ROBO1: variants seen among roughly 807,000 people sequenced by gnomAD.
The protein encoded by ROBO1 is roundabout homolog 1.
ROBO1 carries 149 observed loss-of-function variants against 195.9 expected under a neutral mutation model. That is an observed-to-expected ratio of 0.76 (90% CI 0.67 to 0.87). The LOEUF (loss-of-function observed/expected upper bound fraction) is 0.87. Ranked by LOEUF, ROBO1 falls within the 40% of genes least tolerant of loss-of-function variation. ROBO1 has a pLI of 0.00. For missense variants in ROBO1, 1,933 were observed against 2,068.3 expected, an observed-to-expected ratio of 0.93 and a Z score of 1.27; for synonymous variants, 816 against 733.2, an observed-to-expected ratio of 1.11 and a Z score of -1.82.
chr3:78,751,930 G>T (rs968800604), intron 4 of ROBO1, among the ~76,000 whole-genome samples: 4 of 151,694 alleles, frequency 2.6e-5, no homozygotes, highest in Admixed American at 1.3e-4. Flanking sequence ...TGCAGTCCTG[G>T]GATTTATTTT....
chr3:79,173,422 G>A (rs114577988), intron 2 of ROBO1, among the ~76,000 whole-genome samples: 13,368 of 151,864 alleles, frequency 0.088, 1,009 homozygotes, highest in African/African-American at 0.2. Context: ...CGGCGGGCCC[G>A]CACTCCGAGC....
At chr3:79,262,985 A>T (rs937505948) in intron 2 of ROBO1, among the ~76,000 whole-genome samples, 2 of 152,116 alleles carry the variant, frequency 1.3e-5, no homozygotes, top group Admixed American at 1.3e-4. Flanking sequence ...AGAAAAGATT[A>T]GAGAGTTTTA....
At chr3:79,533,835 A>G (rs1345163744) in intron 2 of ROBO1, among the ~76,000 whole-genome samples, 10 of 152,146 alleles carry the variant, frequency 6.6e-5, no homozygotes, top group Admixed American at 6.6e-4. Flanking sequence ...CAATACTGAT[A>G]GTTTTTTAGT....
intron 2 of ROBO1, among the ~76,000 whole-genome samples, chr3:79,259,145 C>G (rs890741179): frequency 1.3e-5 from 2 of 151,900 alleles, no homozygotes; most frequent in Non-Finnish European, 2.9e-5. Flanking sequence ...TCCAAATATA[C>G]TTTTTGTTGT....
At chr3:79,585,140 C>A (rs1943788780) in intron 2 of ROBO1, among the ~76,000 whole-genome samples, 1 of 149,892 alleles carries the variant, frequency 6.7e-6, no homozygotes, top group Non-Finnish European at 1.5e-5. Flanking sequence ...GAAAAAGGGG[C>A]CCATAAAGGC....
intron 2 of ROBO1, among the ~76,000 whole-genome samples, chr3:79,393,071 C>T (rs2037014477): frequency 6.6e-6 from 1 of 152,196 alleles, no homozygotes; most frequent in African/African-American, 2.4e-5. Flanking sequence ...CAAGACCTTT[C>T]CTCTCTATCC....
intron 4 of ROBO1, among the ~76,000 whole-genome samples, chr3:78,779,202 A>T (rs957562114): frequency 6.6e-6 from 1 of 152,212 alleles, no homozygotes; most frequent in Non-Finnish European, 1.5e-5. Flanking sequence ...ATGAGCAAAG[A>T]CTTCATGACT....
intron 2 of ROBO1, among the ~76,000 whole-genome samples, chr3:79,433,861 C>T (rs546884423): frequency 2.0e-5 from 3 of 152,164 alleles, no homozygotes; most frequent in East Asian, 3.9e-4. Flanking sequence ...GAGATATAGA[C>T]CAATGGAACA....
chr3:79,100,994 GT>G (rs143337794), intron 3 of ROBO1, among the ~76,000 whole-genome samples: 4 of 151,700 alleles, frequency 2.6e-5, no homozygotes, highest in African/African-American at 9.7e-5. Context: ...GAGAGGTGGT[GT>G]TTTTTTCCTT....
At chr3:79,189,967 C>G (rs1230883664) in intron 2 of ROBO1, among the ~76,000 whole-genome samples, 1 of 151,558 alleles carries the variant, frequency 6.6e-6, no homozygotes, top group Non-Finnish European at 1.5e-5. Context: ...AAAATTGGAA[C>G]CACAGATTTC....
chr3:78,829,458 G>T (rs1166796220), intron 4 of ROBO1, among the ~76,000 whole-genome samples: 1 of 152,068 alleles, frequency 6.6e-6, no homozygotes, highest in African/African-American at 2.4e-5. Flanking sequence ...TAGCTCTGTA[G>T]GCTTGGTCTG....
chr3:79,650,125 A>T (rs2106739666), intron 1 of ROBO1, among the ~76,000 whole-genome samples: 1 of 152,102 alleles, frequency 6.6e-6, no homozygotes, highest in East Asian at 1.9e-4. Context: ...AAAAATAGAG[A>T]GGATATATAA....
At chr3:79,505,041 T>A (rs12634596) in intron 2 of ROBO1, among the ~76,000 whole-genome samples, 43,894 of 150,326 alleles carry the variant, frequency 0.29, 6,708 homozygotes, top group Non-Finnish European at 0.35. Flanking sequence ...AAAAAAAAAC[T>A]TTTTGAATAT....
intron 5 of ROBO1, among the ~76,000 whole-genome samples, chr3:78,745,583 C>T (rs2082637943): frequency 6.6e-6 from 1 of 152,134 alleles, no homozygotes. Flanking sequence ...CTCCCATGCT[C>T]TTTCTTGACT....
intron 2 of ROBO1, among the ~76,000 whole-genome samples, chr3:79,566,923 A>T (rs1943108858): frequency 6.6e-6 from 1 of 152,144 alleles, no homozygotes; most frequent in Non-Finnish European, 1.5e-5. Flanking sequence ...CGGCAATCCC[A>T]TTACTGGAAT....
intron 4 of ROBO1, among the ~76,000 whole-genome samples, chr3:78,817,808 G>A (rs2030292272): frequency 6.6e-6 from 1 of 152,178 alleles, no homozygotes; most frequent in Non-Finnish European, 1.5e-5. Flanking sequence ...AATGGTCATA[G>A]TTCCAACTAC....
Position 79,346,033 on chromosome 3 carries a change from G to A in ROBO1, c.89-220494C>T, listed in dbSNP as rs181407145. On this transcript the variant is annotated intron_variant, in intron 2 of 30. Transcript: ENST00000464233. ...CTATGGAGGATAATTCGTAGGTCAAGAATAATTTCTGAGAAGTGTCTAATT... is the reference window on the plus strand; with the variant it reads ...CTATGGAGGATAATTCGTAGGTCAAAAATAATTTCTGAGAAGTGTCTAATT... Among the ~76,000 whole-genome samples the A allele has an allele frequency of 2.9e-4, 44 of 152,194 alleles. No homozygotes were observed. The East Asian group carries it at 7.6e-3, about 26-fold the overall frequency.
intron 2 of ROBO1, among the ~76,000 whole-genome samples, chr3:79,382,553 A>G (rs1225705514): frequency 6.6e-6 from 1 of 152,152 alleles, no homozygotes; most frequent in Middle Eastern, 3.2e-3. Context: ...GATAATATTG[A>G]ATAAAGCTTT....
intron 5 of ROBO1, among the ~76,000 whole-genome samples, chr3:78,742,886 C>T (rs2082566672): frequency 6.6e-6 from 1 of 152,158 alleles, no homozygotes; most frequent in Non-Finnish European, 1.5e-5. Context: ...TAGAGGACAG[C>T]ATCCCCTTAG....
Sources: gnomAD v4.1 joint callset for allele counts (sites outside exome capture counted in the v4.1 genomes callset) on GRCh38, gnomAD v4.1.1 for gene constraint, MANE v1.5 for transcripts, NCBI Gene and HGNC (gene_info 2026-07-23, HGNC 2026-07-21) for gene names.